Variants in EGFR observed in about 807,000 individuals in gnomAD.
EGFR encodes avian erythroblastic leukemia viral (v-erb-b) oncogene homolog.
EGFR carries 58 observed loss-of-function variants against 143.0 expected under a neutral mutation model. The ratio of observed to expected loss-of-function variants is 0.41; its 90% CI spans 0.33 to 0.50. The LOEUF is 0.50. Ranked by LOEUF, EGFR falls within the 20% of genes least tolerant of loss-of-function variation. The probability of loss-of-function intolerance (pLI) is 0.39; values close to 1 mark genes in which losing one functional copy is unlikely to be tolerated. For missense variants in EGFR, 1,307 were observed against 1,579.0 expected (o/e 0.83, Z 2.92); for synonymous variants, 613 against 594.4 (o/e 1.03, Z -0.45).
chr7:55,024,648 T>C (rs1786776917), intron 1 of EGFR, among the ~76,000 whole-genome samples: 1 of 152,224 alleles, frequency 6.6e-6, no homozygotes, highest in Non-Finnish European at 1.5e-5. Context: ...GCCCTTTGCA[T>C]AGAAGGGCAA....
At chr7:55,079,963 C>G (rs1391617661) in intron 1 of EGFR, among the ~76,000 whole-genome samples, 3 of 152,206 alleles carry the variant, frequency 2.0e-5, no homozygotes, top group African/African-American at 7.2e-5. Flanking sequence ...TTTCCAACCT[C>G]TTACCAGGCT....
intron 1 of EGFR, among the ~76,000 whole-genome samples, chr7:55,054,886 A>G (rs1788707065): frequency 6.6e-6 from 1 of 152,192 alleles, no homozygotes; most frequent in Non-Finnish European, 1.5e-5. Context: ...AGCACTCACC[A>G]GCAGCCCAGC....
At chr7:55,029,262 T>A (rs1787116388) in intron 1 of EGFR, among the ~76,000 whole-genome samples, 1 of 152,254 alleles carries the variant, frequency 6.6e-6, no homozygotes, top group Non-Finnish European at 1.5e-5. Flanking sequence ...TAGAACTTTT[T>A]CTTGGCTTCA....
chr7:55,036,704 T>C (rs1787604473), intron 1 of EGFR, among the ~76,000 whole-genome samples: 1 of 152,154 alleles, frequency 6.6e-6, no homozygotes, highest in African/African-American at 2.4e-5. Context: ...AAATTCAAAG[T>C]GGCCCTCATC....
At chr7:55,150,946 G>A (rs947098192) in intron 4 of EGFR, among the ~76,000 whole-genome samples, 5 of 152,198 alleles carry the variant, frequency 3.3e-5, no homozygotes, top group Admixed American at 6.5e-5. Context: ...TCAGCCAGAC[G>A]AGACACTCTA....
intron 1 of EGFR, among the ~76,000 whole-genome samples, chr7:55,078,895 G>T (rs1254084999): frequency 2.6e-5 from 4 of 152,228 alleles, no homozygotes; most frequent in Admixed American, 2.0e-4. Context: ...CCCTGTCTCC[G>T]GCCAGGCACG....
At chr7:55,023,499 A>G (rs1309185629) in intron 1 of EGFR, among the ~76,000 whole-genome samples, 1 of 151,972 alleles carries the variant, frequency 6.6e-6, no homozygotes, top group Non-Finnish European at 1.5e-5. Flanking sequence ...AATACAAAAA[A>G]AATTAGCTGG....
chr7:55,158,735 C>T (rs950211800), intron 11 of EGFR, among the ~76,000 whole-genome samples: 2 of 152,222 alleles, frequency 1.3e-5, no homozygotes, highest in Non-Finnish European at 1.5e-5. Flanking sequence ...GGTGGCCACA[C>T]GTTCCAGGGT....
chr7:55,114,027 A>G (rs1262931731), intron 1 of EGFR, among the ~76,000 whole-genome samples: 1 of 152,244 alleles, frequency 6.6e-6, no homozygotes, highest in East Asian at 1.9e-4. Flanking sequence ...CAGAGGTGCC[A>G]AAACCAGGTT....
chr7:55,143,513 G>C, intron 3 of EGFR, 25 bp downstream of exon 3: 1 of 1,613,788 alleles, frequency 6.2e-7, no homozygotes, highest in Non-Finnish European at 8.5e-7. Context: ...TGCCAAGGCT[G>C]GGGGTTCATA....
chr7:55,084,658 C>T (rs564340677), intron 1 of EGFR, among the ~76,000 whole-genome samples: 55 of 152,314 alleles, frequency 3.6e-4, no homozygotes, highest in African/African-American at 1.3e-3. Flanking sequence ...TGTTTACAAA[C>T]TGGAATGGTC....
intron 5 of EGFR, among the ~76,000 whole-genome samples, chr7:55,151,976 C>G (rs1201812853): frequency 1.3e-5 from 2 of 152,232 alleles, no homozygotes; most frequent in Admixed American, 1.3e-4. Context: ...AAGACTTGCT[C>G]CTGTTGACAG....
intron 1 of EGFR, among the ~76,000 whole-genome samples, chr7:55,077,783 AT>A (rs1315341756): frequency 2.0e-5 from 3 of 152,146 alleles, no homozygotes; most frequent in African/African-American, 7.2e-5. Context: ...AATGGGTTAA[AT>A]GCTCTTAAAA....
intron 1 of EGFR, among the ~76,000 whole-genome samples, chr7:55,116,749 TCCTCCA>T: frequency 6.6e-6 from 1 of 152,340 alleles, no homozygotes; most frequent in South Asian, 2.1e-4. Context: ...TTACATAGAA[TCCTCCA>T]GTAGGTACTC....
At chr7:55,117,353 C>A (rs1361233598) in intron 1 of EGFR, among the ~76,000 whole-genome samples, 1 of 152,134 alleles carries the variant, frequency 6.6e-6, no homozygotes, top group Non-Finnish European at 1.5e-5. Context: ...CAATGAAAGA[C>A]ATAGCAGTCT....
intron 1 of EGFR, among the ~76,000 whole-genome samples, chr7:55,069,803 G>T (rs1789716810): frequency 6.6e-6 from 1 of 152,154 alleles, no homozygotes; most frequent in Non-Finnish European, 1.5e-5. Flanking sequence ...TCCTTACAAG[G>T]AACCCCCATA....
chr7:55,189,254 T>G (rs1584252662), intron 20 of EGFR, among the ~76,000 whole-genome samples: 1 of 152,052 alleles, frequency 6.6e-6, no homozygotes, highest in Non-Finnish European at 1.5e-5. Flanking sequence ...GGTCTTGGGG[T>G]CTCAGGGTAT....
At chr7:55,132,213 T>TA in intron 1 of EGFR, among the ~76,000 whole-genome samples, 1 of 152,334 alleles carries the variant, frequency 6.6e-6, no homozygotes, top group Middle Eastern at 3.4e-3. Context: ...CATCTTGGGC[T>TA]AGGGGTGGAT....
At chr7:55,162,917 A>G (rs1785779117) in intron 13 of EGFR, among the ~76,000 whole-genome samples, 1 of 152,220 alleles carries the variant, frequency 6.6e-6, no homozygotes, top group African/African-American at 2.4e-5. Flanking sequence ...CAGCCTCCCA[A>G]CTAGCTGGAA....
Sources: allele counts gnomAD v4.1 joint callset (sites outside exome capture counted in the v4.1 genomes callset), GRCh38; gene constraint gnomAD v4.1.1; transcripts MANE v1.5; gene names NCBI Gene and HGNC (gene_info 2026-07-23, HGNC 2026-07-21).